Variants in GUCY1B1 observed in about 807,000 individuals in gnomAD.
GUCY1B1 encodes guanylate cyclase soluble subunit beta-1.
Under a neutral mutation model 71.0 loss-of-function variants are expected in GUCY1B1, and 43 were observed. The observed-to-expected ratio is 0.61, with a 90% confidence interval of 0.47 to 0.78. The LOEUF is 0.78. Among genes scored for constraint, GUCY1B1 ranks in the 30% least tolerant of loss-of-function variants. The pLI is 0.00. For missense variants in GUCY1B1, 535 were observed against 754.1 expected (o/e 0.71, Z 3.40); for synonymous variants, 266 against 259.7 (o/e 1.02, Z -0.23).
chr4:155,793,838 TCC>T lies in GUCY1B1; in HGVS notation c.496-14_496-13del. 1 of 1,076,130 alleles carries T rather than the reference TCC, an allele frequency of 9.3e-7. No individual in the cohort carries two copies. Among genetic ancestry groups the T allele is most frequent in the Non-Finnish European group, 1.4e-6 (1 of 692,282 alleles). The allele number at this position is 1,076,130 out of a possible 1,614,324, so 66.7% of individuals were successfully genotyped here. A position where few individuals can be genotyped will look rare whatever the true frequency, so the allele number is the denominator to read the frequency against. ...TGAAATGAAGACAATTCATGCCATTTCCCCCTTTGATATCCAGGTTATTCAGC... is the reference window on the plus strand; with the variant it reads ...TGAAATGAAGACAATTCATGCCATTTCCCTTTGATATCCAGGTTATTCAGC... On this transcript the variant is annotated splice_polypyrimidine_tract_variant and intron_variant, in intron 5 of 13. Transcript: ENST00000264424.
chr4:155,767,807 C>T (rs552095506), intron 2 of GUCY1B1, among the ~76,000 whole-genome samples: 1 of 152,234 alleles, frequency 6.6e-6, no homozygotes, highest in African/African-American at 2.4e-5. Context: ...TCATGCTCCA[C>T]AGCCACTTAG....
Position 155,802,315 on chromosome 4 carries a change from T to C in GUCY1B1, c.1176-27T>C. ...AAGGCTTTCCCAGTATTTCTTACAG[T>C]GGCTTTCTGCTGATCCCACTGAACA... On this transcript the variant is annotated intron_variant, in intron 9 of 13. Transcript: ENST00000264424. This position sits in a 1 kb window ranked among gnomAD's most constrained non-coding sequence, Gnocchi z 4.3. The C allele has an allele frequency of 6.2e-7, 1 of 1,613,416 alleles. No individual in the cohort carries two copies. Among genetic ancestry groups the C allele is most frequent in the Non-Finnish European group, 8.5e-7 (1 of 1,179,722 alleles).
chr4:155,805,484 T>G (rs1208709081), intron 13 of GUCY1B1, among the ~76,000 whole-genome samples: 1 of 152,128 alleles, frequency 6.6e-6, no homozygotes, highest in Non-Finnish European at 1.5e-5. Context: ...GGCTGCTTTT[T>G]TTCTTGCTGT....
chr4:155,768,614 A>C (rs1737504687), intron 2 of GUCY1B1, among the ~76,000 whole-genome samples: 1 of 152,238 alleles, frequency 6.6e-6, no homozygotes, highest in South Asian at 2.1e-4. Flanking sequence ...AGGCACCAGT[A>C]ATTACATTAA....
chr4:155,800,102 T>C (rs1251166662), intron 9 of GUCY1B1, 28 bp downstream of exon 9: 3 of 1,477,260 alleles, frequency 2.0e-6, no homozygotes, highest in Admixed American at 3.7e-5. Flanking sequence ...GGAGCACTAC[T>C]GTTATTCATA....
At chr4:155,769,676 A>C (rs1316368521) in intron 2 of GUCY1B1, among the ~76,000 whole-genome samples, 1 of 152,130 alleles carries the variant, frequency 6.6e-6, no homozygotes, top group East Asian at 1.9e-4. Flanking sequence ...ACACAGTTTA[A>C]TCCAATTTAC....
At chr4:155,772,737 A>C (rs1331563483) in intron 2 of GUCY1B1, 6 of 702,394 alleles carry the variant, frequency 8.5e-6, no homozygotes, top group Non-Finnish European at 1.6e-5. Flanking sequence ...AGAGATTTTA[A>C]TGCTTATGTG....
At chr4:155,764,431 C>T (rs1408411625) in intron 2 of GUCY1B1, among the ~76,000 whole-genome samples, 4 of 152,010 alleles carry the variant, frequency 2.6e-5, no homozygotes. Context: ...ACTTACTGTC[C>T]CAGAGAATTA....
chr4:155,759,618 GC>G, intron 1 of GUCY1B1, 168 bp from the exon 2 acceptor site: 2 of 548,560 alleles, frequency 3.6e-6, no homozygotes, highest in Non-Finnish European at 3.2e-6. Flanking sequence ...GGGGGGTTGC[GC>G]CCCCACGATC....
rs1740340361 is a variant in GUCY1B1, at chr4:155,806,676, C to T, written c.*267C>T. ...GCTTCATGTGTCTTAAAATCTACTACAAGCATTACCTAACATGGTGATCTG... is the reference window on the plus strand; with the variant it reads ...GCTTCATGTGTCTTAAAATCTACTATAAGCATTACCTAACATGGTGATCTG... On this transcript the variant is annotated 3_prime_UTR_variant, in exon 14 of 14. Coordinates refer to ENST00000264424, the MANE Select transcript of GUCY1B1 (RefSeq NM_000857.5). 3 of 389,492 alleles carry T rather than the reference C, an allele frequency of 7.7e-6. No individual in the cohort carries two copies. Among genetic ancestry groups the T allele is most frequent in the African/African-American group, 4.1e-5 (2 of 48,376 alleles). The allele number at this position is 389,492 out of a possible 1,614,324, so 24.1% of individuals were successfully genotyped here. A position where few individuals can be genotyped will look rare whatever the true frequency, so the allele number is the denominator to read the frequency against.
chr4:155,782,483 T>C (rs560624035), intron 4 of GUCY1B1, among the ~76,000 whole-genome samples: 1 of 152,318 alleles, frequency 6.6e-6, no homozygotes, highest in African/African-American at 2.4e-5. Context: ...AAATAGCTGA[T>C]AAGGAATGTT....
At chr4:155,759,507 C>T (rs1736805346) in intron 1 of GUCY1B1, 2 of 508,012 alleles carry the variant, frequency 3.9e-6, no homozygotes, top group African/African-American at 2.0e-5. Flanking sequence ...CCCCGCGCTG[C>T]CCCCGATGCC....
chr4:155,764,254 G>A (rs568091431), intron 2 of GUCY1B1, among the ~76,000 whole-genome samples: 2 of 152,288 alleles, frequency 1.3e-5, no homozygotes, highest in Admixed American at 6.5e-5. Context: ...TTTTAAAGTA[G>A]TAAGGATACT....
At position 155,777,603 on chromosome 4, in the gene GUCY1B1, C is replaced by T; in HGVS notation, c.258C>T (p.Ile86=). 6.2e-7 allele frequency: 1 copy of T among 1,604,220 alleles called. No individual in the cohort carries two copies. Among genetic ancestry groups the T allele is most frequent in the African/African-American group, 1.3e-5 (1 of 74,820 alleles). ...GCCAAGAATCTGGTTATGATACAATCTTGCGTGTCCTGGGCTCTAATGTCA... is the reference window on the plus strand; with the variant it reads ...GCCAAGAATCTGGTTATGATACAATTTTGCGTGTCCTGGGCTCTAATGTCA... ...VFCQESGYDT[I]LRVLGSNVRE... The change falls in exon 4 of 14, where the codon ATC becomes ATT. Residue 86 remains isoleucine (I), a synonymous_variant. Transcript: ENST00000264424.
intron 2 of GUCY1B1, 43 bp downstream of exon 2, chr4:155,759,903 A>T (rs1056260607): frequency 2.5e-5 from 36 of 1,448,950 alleles, no homozygotes; most frequent in Non-Finnish European, 3.2e-5. Context: ...GTCGGCGCCC[A>T]GTGTGGGAGG....
chr4:155,772,694 A>G, intron 2 of GUCY1B1: 2 of 702,430 alleles, frequency 2.8e-6, no homozygotes, highest in Non-Finnish European at 5.2e-6. Context: ...TGCTGGGATA[A>G]CAGGCATGAG....
At chr4:155,790,663 A>G (rs1739094171) in intron 5 of GUCY1B1, among the ~76,000 whole-genome samples, 1 of 152,086 alleles carries the variant, frequency 6.6e-6, no homozygotes. Context: ...CCTTTTTCCA[A>G]CCTTTCTTTG....
intron 3 of GUCY1B1, among the ~76,000 whole-genome samples, chr4:155,776,289 T>C (rs1470659029): frequency 1.3e-5 from 2 of 152,238 alleles, no homozygotes; most frequent in African/African-American, 4.8e-5. Flanking sequence ...GATTTATGTA[T>C]GTGTTTTCAT....
At chr4:155,782,989 T>C (rs1485929616) in intron 4 of GUCY1B1, among the ~76,000 whole-genome samples, 1 of 152,224 alleles carries the variant, frequency 6.6e-6, no homozygotes, top group African/African-American at 2.4e-5. Flanking sequence ...CCAGTTTCCA[T>C]CTGATTCCGT....
Sources: allele counts gnomAD v4.1 joint callset (sites outside exome capture counted in the v4.1 genomes callset), GRCh38; gene constraint gnomAD v4.1.1; non-coding constraint Gnocchi (gnomAD v3.1); transcripts MANE v1.5; gene names NCBI Gene and HGNC (gene_info 2026-07-23, HGNC 2026-07-21).